Variants in USP36 observed in about 807,000 individuals in gnomAD.
The protein encoded by USP36 is ubiquitin specific peptidase 36, also known as ubiquitin carboxyl-terminal hydrolase 36.
In USP36, 59 loss-of-function variants were observed where a neutral mutation model predicts 111.5. The ratio of observed to expected loss-of-function variants is 0.53; its 90% CI spans 0.43 to 0.66. USP36 has a LOEUF of 0.66. Ranked by LOEUF, USP36 falls within the 30% of genes least tolerant of loss-of-function variation. USP36 has a pLI of 0.00. For synonymous variants in USP36, 628 were observed against 581.0 expected (o/e 1.08, Z -1.16); for missense variants, 1,488 against 1,468.0 (o/e 1.01, Z -0.22).
Position 78,828,991 on chromosome 17 carries a change from G to C in USP36, c.492C>G (p.Phe164Leu), listed in dbSNP as rs147635914. The stretch of plus-strand genomic sequence containing the variant: ...GGTTCTGCATGACACACAGCATGCA[G>C]AAGCTTCCCTGGTGGCCTGCCGGCG... ...EHARSCHQGSFCMLCVMQNHI... is the reference protein window; with the variant it reads ...EHARSCHQGSLCMLCVMQNHI... The change falls in exon 5 of 21, where the codon TTC becomes TTG. Residue 164 changes from phenylalanine (F) to leucine (L), a missense_variant. Phe to Leu is a conservative substitution (Grantham distance 22, BLOSUM62 0). This residue lies in a region of USP36 where 219 missense variants were observed against 209.5 expected (regional missense o/e 1.05). Coordinates refer to ENST00000449938, the MANE Select transcript of USP36 (RefSeq NM_001385174.1). The C allele has an allele frequency of 6.2e-7, 1 of 1,613,638 alleles. No homozygotes were observed. The highest frequency in any genetic ancestry group is 1.7e-5 in the Admixed American group (1 of 59,928).
chr17:78,792,351 G>A (rs186345454), downstream of USP36, among the ~76,000 whole-genome samples: 4 of 151,814 alleles, frequency 2.6e-5, no homozygotes, highest in Non-Finnish European at 4.4e-5. Flanking sequence ...CAAGGGCACA[G>A]GTGGGGTGCC....
At chr17:78,812,587 G>C (rs892671602) in intron 13 of USP36, among the ~76,000 whole-genome samples, 1 of 151,634 alleles carries the variant, frequency 6.6e-6, no homozygotes, top group Non-Finnish European at 1.5e-5. Context: ...CTACTAGGGA[G>C]GCTGAGGCAG....
chr17:78,792,041 G>A (rs911671314), downstream of USP36: 1 of 152,304 alleles, frequency 6.6e-6, no homozygotes, highest in South Asian at 2.1e-4. Flanking sequence ...TCACATCTTA[G>A]AGGAGCTCTC....
chr17:78,794,716 G>A (rs1027810822), downstream of USP36, among the ~76,000 whole-genome samples: 20 of 152,182 alleles, frequency 1.3e-4, no homozygotes, highest in East Asian at 3.7e-3. Flanking sequence ...GAGGTCAAGA[G>A]ATGGAGATCA....
chr17:78,806,896 A>C, intron 14 of USP36, 63 bp downstream of exon 14: 2 of 1,575,026 alleles, frequency 1.3e-6, no homozygotes, highest in Non-Finnish European at 1.7e-6. Flanking sequence ...CCTTCAAACC[A>C]CAACCAAGCA....
rs367924009 is a variant in USP36 at position 78,811,740 on chromosome 17, C to T, written c.1407+1120G>A. Among the ~76,000 whole-genome samples, 294 of 152,134 alleles carry T rather than the reference C, an allele frequency of 1.9e-3. 1 individual carries two copies. The highest frequency in any genetic ancestry group is 0.014 in the Middle Eastern group (4 of 294). On this transcript the variant is annotated intron_variant, in intron 13 of 20. Transcript: ENST00000449938. ...AAAATTAGCCATGCATGGTGGCACA[C>T]GCCTGTAGTCCCAGCTACTCGGGAG...
rs770877928 is a variant in USP36 at position 78,804,027 on chromosome 17, C to G, written c.2217-49G>C. 13 of 1,390,286 alleles carry G rather than the reference C, an allele frequency of 9.4e-6. No homozygotes were observed. In the African/African-American group the frequency reaches 1.7e-4, roughly 18 times the overall value. The allele number at this position is 1,390,286 out of a possible 1,614,324, so 86.1% of individuals were successfully genotyped here. On this transcript the variant is annotated intron_variant, in intron 15 of 20. Coordinates refer to ENST00000449938, the MANE Select transcript of USP36 (RefSeq NM_001385174.1). ...GGAGAGGATGTTCTGAAAGACCCAG[C>G]AGAGCTGTTCCTTCTGTCTACCCTC...
intron 10 of USP36, among the ~76,000 whole-genome samples, chr17:78,817,153 G>C (rs1031393341): frequency 3.0e-4 from 45 of 152,202 alleles, no homozygotes; most frequent in Admixed American, 2.2e-3. Flanking sequence ...ACAGGAACAG[G>C]CTGTGTAGGT....
At chr17:78,816,886 A>G (rs1027972172) in intron 10 of USP36, among the ~76,000 whole-genome samples, 4 of 152,182 alleles carry the variant, frequency 2.6e-5, no homozygotes, top group African/African-American at 4.8e-5. Context: ...CAGAACATCA[A>G]CTAGAAAATT....
chr17:78,787,631 C>T (rs1567894951), exon 4 of USP36: 1 of 152,232 alleles, frequency 6.6e-6, no homozygotes, highest in Non-Finnish European at 1.5e-5. Context: ...GAGGCTTCCA[C>T]TCTCGTGAAT....
In USP36 at chr17:78,798,147, TACACACACCCCCTTATACACACGCATCCC is replaced by T. The variant is rs1451840765; in HGVS notation, c.*20+224_*20+252del. ...TACACACCCCACACCCAACACACACTACACACACCCCCTTATACACACGCATCCCACACACACCCCCTTATACACACGCA... is the reference window on the plus strand; with the variant it reads ...TACACACCCCACACCCAACACACACTACACACACCCCCTTATACACACGCA... On this transcript the variant is annotated intron_variant, in intron 20 of 20. Coordinates refer to ENST00000449938, the MANE Select transcript of USP36 (RefSeq NM_001385174.1). The surrounding 1 kb of genome is among the most constrained non-coding windows in gnomAD (Gnocchi z 5.1). 160 of 480,166 alleles carry T rather than the reference TACACACACCCCCTTATACACACGCATCCC, an allele frequency of 3.3e-4. No individual in the cohort carries two copies. Among genetic ancestry groups the T allele is most frequent in the Middle Eastern group, 1.7e-3 (3 of 1,790 alleles). The allele number at this position is 480,166 out of a possible 1,614,324, so 29.7% of individuals were successfully genotyped here.
chr17:78,807,305 G>A lies in USP36; in HGVS notation c.1739C>T (p.Ser580Phe). 6.2e-7 allele frequency: 1 copy of A among 1,614,190 alleles called. No individual in the cohort carries two copies. Among genetic ancestry groups the A allele is most frequent in the South Asian group, 1.1e-5 (1 of 91,084 alleles). ...GSWDSRDVVL[S>F]TSPKLLATAT... ...TGTAGCCAGGAGCTTAGGTGAGGTA[G>A]AGAGGACAACATCCCTGCTGTCCCA... is the stretch of plus-strand genomic sequence containing the variant. The change falls in exon 14 of 21, where the codon TCT becomes TTT. Residue 580 changes from serine (S) to phenylalanine (F), a missense_variant. Ser to Phe is a radical substitution (Grantham distance 155, BLOSUM62 -2). This residue lies in a region of USP36 where 1,073 missense variants were observed against 994.1 expected (regional missense o/e 1.08). Transcript: ENST00000449938.
intron 9 of USP36, 65 bp from the exon 10 acceptor site, chr17:78,818,843 A>G: frequency 6.4e-7 from 1 of 1,556,156 alleles, no homozygotes; most frequent in South Asian, 1.1e-5. Flanking sequence ...ATGTTGTCTT[A>G]ACGCTAAGTT....
rs147163143 is a variant in USP36, at chr17:78,807,581, G to A, written c.1463C>T (p.Pro488Leu). The change falls in exon 14 of 21, where the codon CCC (proline) becomes CTC (leucine). Residue 488 changes from proline to leucine, a missense_variant. Coordinates refer to ENST00000449938, the MANE Select transcript of USP36 (RefSeq NM_001385174.1). ...KPHTTEEIGV[P>L]ISRNGSTLGL... Reference sequence around the variant, plus strand: ...CAGGGTGGAGCCATTCCTGGATATGGGCACACCAATCTCTTCAGTGGTGTG... The same window carrying A: ...CAGGGTGGAGCCATTCCTGGATATGAGCACACCAATCTCTTCAGTGGTGTG... The A allele has an allele frequency of 1.9e-6, 3 of 1,596,868 alleles. No homozygotes were observed. The highest frequency in any genetic ancestry group is 1.1e-5 in the South Asian group (1 of 88,362).
chr17:78,836,070 C>T (rs1180480167), intron 3 of USP36, 41 bp downstream of exon 3: 18 of 1,601,360 alleles, frequency 1.1e-5, no homozygotes, highest in Admixed American at 1.0e-4. Context: ...TTCGTCACCC[C>T]GGAGTGAGGG....
rs1209368146 is a variant in USP36 at position 78,813,816 on chromosome 17, T to C, written c.1222A>G (p.Lys408Glu). The change falls in exon 12 of 21, where the codon AAG becomes GAG. Residue 408 changes from lysine (K) to glutamate (E), a missense_variant. By Grantham distance (56) the Lys-to-Glu change is moderately conservative (BLOSUM62 1). Transcript: ENST00000449938. ...NDSLVHSSNV[K>E]VVLNQQAYVL... ...TAGGCCTGCTGGTTCAGAACCACCT[T>C]GACGTTGCTGGAATGGACCAAGGAA... 1 of 1,614,154 alleles carries C rather than the reference T, an allele frequency of 6.2e-7. No homozygotes were observed. The highest frequency in any genetic ancestry group is 1.1e-5 in the South Asian group (1 of 91,080).
In USP36 at chr17:78,798,925, C is replaced by T. The variant is rs751395789; in HGVS notation, c.3223G>A (p.Glu1075Lys). ...CATCATACCTTCCCTCGGTCAAACT[C>T]TTCGTCCCAGTCATCAACCACGGTC... ...TETVVDDWDEEFDRGKEKKIK... is the reference protein window; with the variant it reads ...TETVVDDWDEKFDRGKEKKIK... The change falls in exon 19 of 21, where the codon GAG (glutamate) becomes AAG (lysine). Residue 1075 changes from glutamate (E) to lysine (K), a missense_variant. Physicochemically the swap from Glu to Lys is moderately conservative, Grantham distance 56. This residue lies in a region of USP36 where 1,073 missense variants were observed against 994.1 expected (regional missense o/e 1.08). Transcript: ENST00000449938. This position sits in a 1 kb window ranked among gnomAD's most constrained non-coding sequence, Gnocchi z 5.1. 2.5e-6 allele frequency: 4 copies of T among 1,614,048 alleles called. No homozygotes were observed. The South Asian group carries it at 3.3e-5, about 13-fold the overall frequency.
At position 78,807,118 on chromosome 17, in the gene USP36, T is replaced by C. The variant is rs746035501; in HGVS notation, c.1926A>G (p.Glu642=). Residue 642 remains glutamate, a synonymous_variant, in exon 14 of 21, where the codon GAA becomes GAG. Coordinates refer to ENST00000449938, the MANE Select transcript of USP36 (RefSeq NM_001385174.1). ...SGAAHLCDSQ[E]TNCSTAGHSK... ...AGTGGCCAGCGGTGGAACAGTTCGTTTCCTGAGAATCGCAGAGATGGGCCG... is the reference window on the plus strand; with the variant it reads ...AGTGGCCAGCGGTGGAACAGTTCGTCTCCTGAGAATCGCAGAGATGGGCCG... The C allele has an allele frequency of 1.1e-5, 17 of 1,614,202 alleles. No homozygotes were observed. Among genetic ancestry groups the C allele is most frequent in the Non-Finnish European group, 1.4e-5 (16 of 1,180,040 alleles).
chr17:78,829,878 C>A (rs2067924700), intron 4 of USP36, among the ~76,000 whole-genome samples: 1 of 152,044 alleles, frequency 6.6e-6, no homozygotes, highest in African/African-American at 2.4e-5. Flanking sequence ...GTGGCTGGGA[C>A]TACAGGCTCG....
Sources: allele counts gnomAD v4.1 joint callset (sites outside exome capture counted in the v4.1 genomes callset), GRCh38; gene constraint gnomAD v4.1.1; regional missense constraint gnomAD v4.1.1; non-coding constraint Gnocchi (gnomAD v3.1); transcripts MANE v1.5; gene names NCBI Gene and HGNC (gene_info 2026-07-23, HGNC 2026-07-21).